The following SDSL variants were observed in gnomAD, a reference collection of about 807,000 sequenced individuals.
The protein encoded by SDSL is serine dehydratase like, also known as serine dehydratase-like.
A neutral mutation model predicts 27.6 loss-of-function variants in SDSL; 26 were observed. That is an observed-to-expected ratio of 0.94 (90% confidence interval 0.69 to 1.31). SDSL has a LOEUF of 1.31. SDSL is among the 50% of genes most tolerant of loss of function. The pLI, the probability that SDSL is intolerant of heterozygous loss-of-function variation, is 0.00. For synonymous variants in SDSL, 196 were observed against 180.6 expected (o/e 1.09, Z -0.69); for missense variants, 431 against 423.5 (o/e 1.02, Z -0.16).
intron 6 of SDSL, among the ~76,000 whole-genome samples, chr12:113,435,819 T>C (rs1853548203): frequency 1.3e-5 from 2 of 152,208 alleles, no homozygotes; most frequent in African/African-American, 4.8e-5. Context: ...GTGTTGCAAA[T>C]AAGTTTGAAA....
At chr12:113,422,714 C>G (rs562997167) in intron 1 of SDSL, 3 of 152,264 alleles carry the variant, frequency 2.0e-5, no homozygotes, top group Non-Finnish European at 4.4e-5. Flanking sequence ...TTCTGCCTGC[C>G]AGAGGGGCAG....
Position 113,429,278 on chromosome 12 carries a change from C to A in SDSL, c.333C>A (p.Ala111=), listed in dbSNP as rs758385489. The stretch of plus-strand genomic sequence containing the variant: ...TGCAGAGGCTGCAGGGGGAGGGGGC[C>A]GAGGTTCAGCTGACTGGAAAGGTAA... ...QVVQRLQGEG[A]EVQLTGKVWD... Residue 111 remains alanine (A), a synonymous_variant, in exon 4 of 8, where the codon GCC becomes GCA. Coordinates refer to ENST00000403593, the MANE Select transcript of SDSL (RefSeq NM_001304993.2). The A allele has an allele frequency of 6.2e-7, 1 of 1,611,470 alleles. No homozygotes were observed. The highest frequency in any genetic ancestry group is 8.5e-7 in the Non-Finnish European group (1 of 1,178,044).
chr12:113,432,257 TTTCTTTCTTTCTTTCTTTCTTTC>T lies in SDSL; in HGVS notation c.355-1874_355-1852del, dbSNP rs1399921890. The stretch of plus-strand genomic sequence containing the variant: ...CTTTCTTTCTTTCTTTCTTTCTTTC[TTTCTTTCTTTCTTTCTTTCTTTC>T]TTTCTTTCTTTCTCTCTCTCTCTTT... On this transcript the variant is annotated intron_variant, in intron 4 of 7. Coordinates refer to ENST00000403593, the MANE Select transcript of SDSL (RefSeq NM_001304993.2). Among the ~76,000 whole-genome samples, 20 of 142,908 alleles carry T rather than the reference TTTCTTTCTTTCTTTCTTTCTTTC, an allele frequency of 1.4e-4. 1 individual carries two copies. In the South Asian group the frequency reaches 4.5e-3, roughly 32 times the overall value. The allele number at this position is 142,908 out of a possible 152,430, so 93.8% of individuals were successfully genotyped here.
In SDSL at chr12:113,437,920, G is replaced by A; in HGVS notation, c.831G>A (p.Gly277=). The change falls in exon 8 of 8, where the codon GGG becomes GGA. Residue 277 remains glycine (G), a synonymous_variant. Coordinates refer to ENST00000403593, the MANE Select transcript of SDSL (RefSeq NM_001304993.2). ...GTATGCTGGTGGAGCCTGCCTGTGG[G>A]GCAGCCTTAGCAGCCATCTACTCAG... is the stretch of plus-strand genomic sequence containing the variant. ...DERMLVEPAC[G]AALAAIYSGL... 1 of 1,611,752 alleles carries A rather than the reference G, an allele frequency of 6.2e-7. No individual in the cohort carries two copies. The highest frequency in any genetic ancestry group is 1.3e-5 in the African/African-American group (1 of 74,902).
Position 113,435,525 on chromosome 12 carries a change from G to A in SDSL, c.640G>A (p.Gly214Ser), listed in dbSNP as rs775169698. 32 of 1,613,712 alleles carry A rather than the reference G, an allele frequency of 2.0e-5. No individual in the cohort carries two copies. Among genetic ancestry groups the A allele is most frequent in the Admixed American group, 3.3e-5 (2 of 59,964 alleles). ...AHCFNAAITA[G>S]KLVTLPDITS... is the part of the protein sequence containing the mutation. ...CTGCTTCAATGCGGCCATCACAGCC[G>A]GCAAGCTGGTCACACTTCCAGACAT... The change falls in exon 6 of 8, where the codon GGC becomes AGC. Residue 214 changes from glycine (G) to serine (S), a missense_variant. Transcript: ENST00000403593.
At position 113,436,740 on chromosome 12, in the gene SDSL, C is replaced by A; in HGVS notation, c.672-11C>A. 6.3e-7 allele frequency: 1 copy of A among 1,594,714 alleles called. No homozygotes were observed. On this transcript the variant is annotated splice_polypyrimidine_tract_variant and intron_variant, in intron 6 of 7. Transcript: ENST00000403593. ...CCTGGTCTCCCTGCCCCACCCTGCT[C>A]TATCCTGCAGTGTGGCCAAGAGCCT...
intron 4 of SDSL, among the ~76,000 whole-genome samples, chr12:113,433,867 C>T (rs1472944200): frequency 6.6e-6 from 1 of 152,216 alleles, no homozygotes; most frequent in African/African-American, 2.4e-5. Flanking sequence ...TCCCAGCCTC[C>T]CTGGCTGGCC....
intron 4 of SDSL, among the ~76,000 whole-genome samples, chr12:113,432,235 T>G (rs1021193984): frequency 3.3e-5 from 4 of 120,032 alleles, no homozygotes; most frequent in Admixed American, 2.4e-4. Flanking sequence ...TTTCTTTCTT[T>G]CTTTCTTTCT....
At chr12:113,435,832 G>A (rs1957984348) in intron 6 of SDSL, among the ~76,000 whole-genome samples, 1 of 152,214 alleles carries the variant, frequency 6.6e-6, no homozygotes, top group Non-Finnish European at 1.5e-5. Flanking sequence ...GTTTGAAAAT[G>A]TAGGCCAGGC....
At chr12:113,429,725 T>G (rs539724960) in intron 4 of SDSL, among the ~76,000 whole-genome samples, 12 of 152,168 alleles carry the variant, frequency 7.9e-5, no homozygotes, top group Non-Finnish European at 1.3e-4. Flanking sequence ...CGGTTCCCTT[T>G]GTTACCAAAG....
chr12:113,434,235 C>G lies in SDSL; in HGVS notation c.443+13C>G, dbSNP rs370785547. On this transcript the variant is annotated intron_variant, in intron 5 of 7. Transcript: ENST00000403593. ...ACCCCCTAATATGGTAAGGCTGACG[C>G]CCCTCTCCCCAGGAGTCCAGAGCTG... The G allele has an allele frequency of 5.0e-6, 8 of 1,588,800 alleles. No individual in the cohort carries two copies. In the African/African-American group the frequency reaches 1.1e-4, roughly 21 times the overall value.
rs1407562050 is a variant in SDSL, at chr12:113,428,548, C to G, written c.214+89C>G. 4.5e-6 allele frequency: 5 copies of G among 1,122,934 alleles called. No homozygotes were observed. The African/African-American group carries it at 6.2e-5, about 14-fold the overall frequency. The allele number at this position is 1,122,934 out of a possible 1,614,324, so 69.6% of individuals were successfully genotyped here. A position where few individuals can be genotyped will look rare whatever the true frequency, so the allele number is the denominator to read the frequency against. ...AGTACACATCCAGGGTTGGTCTCCT[C>G]TTAAAGGCCCAGCCTCATCAAGGTC... On this transcript the variant is annotated intron_variant, in intron 3 of 7. Transcript: ENST00000403593.
chr12:113,438,189 T>C lies in SDSL; in HGVS notation c.*110T>C. ...GGCAGTGGAAGCTGCCCTGTGCAACTGTGCTGGCTGCCTCCTGAAGGAAGC... is the reference window on the plus strand; with the variant it reads ...GGCAGTGGAAGCTGCCCTGTGCAACCGTGCTGGCTGCCTCCTGAAGGAAGC... On this transcript the variant is annotated 3_prime_UTR_variant, in exon 8 of 8. Coordinates refer to ENST00000403593, the MANE Select transcript of SDSL (RefSeq NM_001304993.2). 1.0e-6 allele frequency: 1 copy of C among 957,496 alleles called. No individual in the cohort carries two copies. Among genetic ancestry groups the C allele is most frequent in the South Asian group, 1.7e-5 (1 of 60,140 alleles). The allele number at this position is 957,496 out of a possible 1,614,324, so 59.3% of individuals were successfully genotyped here. A position where few individuals can be genotyped will look rare whatever the true frequency, so the allele number is the denominator to read the frequency against.
chr12:113,435,992 A>G (rs2136961061), intron 6 of SDSL, among the ~76,000 whole-genome samples: 1 of 152,272 alleles, frequency 6.6e-6, no homozygotes, highest in Non-Finnish European at 1.5e-5. Context: ...ATGGTAGCGC[A>G]CGCCTGTAGT....
In SDSL at chr12:113,438,038, C is replaced by G; in HGVS notation, c.949C>G (p.Arg317Gly). The G allele has an allele frequency of 3.1e-6, 5 of 1,614,074 alleles. No individual in the cohort carries two copies. Among genetic ancestry groups the G allele is most frequent in the Non-Finnish European group, 4.2e-6 (5 of 1,179,990 alleles). Residue 317 changes from arginine (R) to glycine (G), a missense_variant, in exon 8 of 8, where the codon CGA becomes GGA. Coordinates refer to ENST00000403593, the MANE Select transcript of SDSL (RefSeq NM_001304993.2). ...GTGTGGAGGCAACAACATCAACAGC[C>G]GAGAGCTGCAGGCTTTGAAAACCCA... is the stretch of plus-strand genomic sequence containing the variant. ...IVCGGNNINS[R>G]ELQALKTHLG... is the part of the protein sequence containing the mutation.
At chr12:113,436,094 C>T (rs549338164) in intron 6 of SDSL, among the ~76,000 whole-genome samples, 31 of 152,232 alleles carry the variant, frequency 2.0e-4, no homozygotes, top group Non-Finnish European at 3.8e-4. Flanking sequence ...GAATAGCCAT[C>T]GTGCTCCAGC....
chr12:113,422,859 G>A (rs1293336796), intron 1 of SDSL: 2 of 152,294 alleles, frequency 1.3e-5, no homozygotes, highest in Admixed American at 1.3e-4. Flanking sequence ...AGCACTGGTG[G>A]TCCTTACCTC....
At chr12:113,434,811 A>G (rs1474606522) in intron 5 of SDSL, among the ~76,000 whole-genome samples, 1 of 152,120 alleles carries the variant, frequency 6.6e-6, no homozygotes, top group African/African-American at 2.4e-5. Flanking sequence ...GCAAACAAAT[A>G]CATAATAAAG....
At chr12:113,423,666 C>T (rs994343471) in intron 1 of SDSL, among the ~76,000 whole-genome samples, 28 of 152,080 alleles carry the variant, frequency 1.8e-4, no homozygotes, top group African/African-American at 6.5e-4. Flanking sequence ...TGCTTGAGCC[C>T]GGGACTTCAA....
Sources: allele counts gnomAD v4.1 joint callset (sites outside exome capture counted in the v4.1 genomes callset), GRCh38; gene constraint gnomAD v4.1.1; transcripts MANE v1.5; gene names NCBI Gene and HGNC (gene_info 2026-07-23, HGNC 2026-07-21).